Variants in RAB38 observed in about 807,000 individuals in gnomAD.
The protein encoded by RAB38 is RAB38, member RAS oncogene family, also known as ras-related protein Rab-38.
A neutral mutation model predicts 18.4 loss-of-function variants in RAB38; 15 were observed. The ratio of observed to expected loss-of-function variants is 0.82; its 90% CI spans 0.55 to 1.26. The LOEUF (loss-of-function observed/expected upper bound fraction) is 1.26, where lower values mean the gene tolerates loss of function less well. Ranked by LOEUF, RAB38 falls within the 50% of genes most tolerant of loss-of-function variation. The pLI is 0.00. For synonymous variants in RAB38, 101 were observed against 104.4 expected (o/e 0.97, Z 0.20); for missense variants, 294 against 267.4 (o/e 1.10, Z -0.69).
chr11:87,878,254 CTAT>C, the RAB38 span, among the ~76,000 whole-genome samples: 4 of 45,310 alleles, frequency 8.8e-5, no homozygotes, highest in Non-Finnish European at 1.8e-4. Flanking sequence ...CACCTATCAT[CTAT>C]CTATCTATCT....
chr11:88,027,062 T>A, the RAB38 span, among the ~76,000 whole-genome samples: 1 of 152,190 alleles, frequency 6.6e-6, no homozygotes, highest in Non-Finnish European at 1.5e-5. Context: ...TCAAAAATAT[T>A]TTTGATAACA....
the RAB38 span, among the ~76,000 whole-genome samples, chr11:87,951,659 C>G: frequency 2.3e-3 from 353 of 152,234 alleles, 1 homozygote; most frequent in African/African-American, 8.0e-3. Context: ...TGCTAGAGGT[C>G]CACTCCAGAC....
At chr11:88,044,618 C>T in the RAB38 span, among the ~76,000 whole-genome samples, 14 of 152,240 alleles carry the variant, frequency 9.2e-5, no homozygotes, top group African/African-American at 3.4e-4. Flanking sequence ...TAATTATTGC[C>T]GTAAAATGGG....
chr11:88,147,697 C>G (rs2134823899), intron 2 of RAB38, among the ~76,000 whole-genome samples: 1 of 152,068 alleles, frequency 6.6e-6, no homozygotes, highest in South Asian at 2.1e-4. Context: ...TTGAGACCAT[C>G]CTGGCTAACA....
chr11:88,127,732 T>A (rs1942717462), intron 2 of RAB38, among the ~76,000 whole-genome samples: 1 of 152,192 alleles, frequency 6.6e-6, no homozygotes, highest in South Asian at 2.1e-4. Flanking sequence ...ATGGTTATGA[T>A]AAGGTATTAT....
chr11:88,106,452 A>C, the RAB38 span, among the ~76,000 whole-genome samples: 24 of 152,278 alleles, frequency 1.6e-4, no homozygotes, highest in African/African-American at 5.5e-4. Flanking sequence ...TACAAAAAAA[A>C]CACACTTTCA....
the RAB38 span, among the ~76,000 whole-genome samples, chr11:87,859,305 C>G: frequency 6.6e-6 from 1 of 151,556 alleles, no homozygotes; most frequent in Non-Finnish European, 1.5e-5. Context: ...GACTTAAAAC[C>G]TTGGTATGAC....
chr11:88,028,449 CA>C, the RAB38 span, among the ~76,000 whole-genome samples: 1,068 of 152,194 alleles, frequency 7.0e-3, 5 homozygotes, highest in Non-Finnish European at 0.012. Flanking sequence ...GGAGGAAATT[CA>C]AACCAAAGGC....
the RAB38 span, among the ~76,000 whole-genome samples, chr11:87,937,349 T>TATATATATATATATATA: frequency 8.5e-6 from 1 of 117,290 alleles, no homozygotes; most frequent in Non-Finnish European, 1.9e-5. Flanking sequence ...TATATATATA[T>TATATATATATATATATA]ATCATAATTC....
chr11:88,174,098 A>G, intron 1 of RAB38: 2 of 985,240 alleles, frequency 2.0e-6, no homozygotes, highest in Non-Finnish European at 2.4e-6. Flanking sequence ...GGAGAATCCC[A>G]GAGGACTTTA....
the RAB38 span, among the ~76,000 whole-genome samples, chr11:87,902,573 G>A: frequency 2.6e-5 from 4 of 151,368 alleles, no homozygotes; most frequent in Admixed American, 6.6e-5. Flanking sequence ...GATTAGTATT[G>A]TTTGGAATCT....
intron 1 of RAB38, among the ~76,000 whole-genome samples, chr11:88,172,022 T>G (rs1419767866): frequency 6.6e-6 from 1 of 152,218 alleles, no homozygotes; most frequent in Non-Finnish European, 1.5e-5. Context: ...CACCTACTAA[T>G]GAAACAACAC....
At chr11:88,072,739 A>G in the RAB38 span, among the ~76,000 whole-genome samples, 1 of 152,164 alleles carries the variant, frequency 6.6e-6, no homozygotes, top group African/African-American at 2.4e-5. Context: ...TTATAGCAGT[A>G]TACACTTACA....
the RAB38 span, among the ~76,000 whole-genome samples, chr11:87,938,190 T>G: frequency 6.6e-6 from 1 of 152,118 alleles, no homozygotes; most frequent in Admixed American, 6.6e-5. Flanking sequence ...TATTGCTTTT[T>G]GGGGATGGGA....
At chr11:88,061,468 C>T in the RAB38 span, among the ~76,000 whole-genome samples, 8 of 152,074 alleles carry the variant, frequency 5.3e-5, no homozygotes, top group African/African-American at 1.4e-4. Flanking sequence ...AGACTGTTTA[C>T]GTAACATAGA....
chr11:88,077,679 A>G, the RAB38 span, among the ~76,000 whole-genome samples: 1 of 152,140 alleles, frequency 6.6e-6, no homozygotes, highest in South Asian at 2.1e-4. Flanking sequence ...TTATGAAACT[A>G]CCAGAAGAAA....
At chr11:87,804,409 G>A in the RAB38 span, among the ~76,000 whole-genome samples, 6 of 152,102 alleles carry the variant, frequency 3.9e-5, no homozygotes, top group Admixed American at 1.3e-4. Flanking sequence ...CACCTGCTGA[G>A]GTATCTTGTT....
chr11:87,964,026 G>A, the RAB38 span, among the ~76,000 whole-genome samples: 3 of 152,086 alleles, frequency 2.0e-5, no homozygotes, highest in African/African-American at 7.2e-5. Flanking sequence ...AAAAATCAAA[G>A]GTAACTGTGC....
the RAB38 span, among the ~76,000 whole-genome samples, chr11:87,895,528 C>T: frequency 6.6e-6 from 1 of 151,570 alleles, no homozygotes; most frequent in African/African-American, 2.4e-5. Context: ...ATTTAGTTCT[C>T]TTATCCTCCC....
Sources: gnomAD v4.1 joint callset for allele counts (sites outside exome capture counted in the v4.1 genomes callset) on GRCh38, gnomAD v4.1.1 for gene constraint, MANE v1.5 for transcripts, NCBI Gene and HGNC (gene_info 2026-07-23, HGNC 2026-07-21) for gene names.